The following PDE4B variants were observed in gnomAD, a reference collection of about 807,000 sequenced individuals.
PDE4B encodes phosphodiesterase 4B, also known as 3',5'-cyclic-AMP phosphodiesterase 4B.
Under a neutral mutation model 82.2 loss-of-function variants are expected in PDE4B, and 20 were observed. The ratio of observed to expected loss-of-function variants is 0.24; its 90% CI spans 0.17 to 0.35. The LOEUF is 0.35. Among genes scored for constraint, PDE4B ranks in the 10% least tolerant of loss-of-function variants. The pLI is 1.00. For missense variants in PDE4B, 655 were observed against 907.2 expected (o/e 0.72, Z 3.57); for synonymous variants, 320 against 318.9 (o/e 1.00, Z -0.04).
intron 3 of PDE4B, among the ~76,000 whole-genome samples, chr1:66,075,359 A>T (rs1297338589): frequency 4.6e-5 from 7 of 151,900 alleles, no homozygotes; most frequent in Non-Finnish European, 4.4e-5. Flanking sequence ...TATGCCAGAG[A>T]GTATCATTAT....
At chr1:66,272,048 G>T (rs547133823) in intron 7 of PDE4B, among the ~76,000 whole-genome samples, 10 of 152,226 alleles carry the variant, frequency 6.6e-5, no homozygotes, top group Non-Finnish European at 1.5e-4. Flanking sequence ...TGGGAAGAAA[G>T]CTTCACTTCT....
intron 6 of PDE4B, among the ~76,000 whole-genome samples, chr1:66,258,812 A>G (rs1247864328): frequency 2.0e-5 from 3 of 152,190 alleles, no homozygotes; most frequent in Non-Finnish European, 2.9e-5. Flanking sequence ...TTCATAGAAT[A>G]GTTTCATTAA....
chr1:66,347,888 C>T (rs962966592), intron 8 of PDE4B, among the ~76,000 whole-genome samples: 2 of 152,126 alleles, frequency 1.3e-5, no homozygotes, highest in Non-Finnish European at 2.9e-5. Context: ...ATGGAATTAA[C>T]TTCTTAAAGA....
chr1:66,365,647 T>C lies in PDE4B; in HGVS notation c.1285-20T>C. 1 of 1,468,270 alleles carries C rather than the reference T, an allele frequency of 6.8e-7. No individual in the cohort carries two copies. Among genetic ancestry groups the C allele is most frequent in the Non-Finnish European group, 9.5e-7 (1 of 1,049,672 alleles). 91.0% of individuals were successfully genotyped at this position (1,468,270 alleles called of 1,614,324 possible). On this transcript the variant is annotated intron_variant, in intron 12 of 16. Coordinates refer to ENST00000341517, the MANE Select transcript of PDE4B (RefSeq NM_002600.4). ...TAGGCGAATTGGATGTGTAGTTAAA[T>C]GTGTTTATTTGCCCGACAGGCTGTC...
chr1:65,882,679 TATGTGTG>T (rs1646722171), intron 1 of PDE4B, among the ~76,000 whole-genome samples: 1 of 32,346 alleles, frequency 3.1e-5, no homozygotes, highest in South Asian at 1.4e-3. Context: ...ATTTGAAAAA[TATGTGTG>T]TGTGTGTGTG....
intron 3 of PDE4B, among the ~76,000 whole-genome samples, chr1:66,189,206 G>T (rs896126663): frequency 8.5e-5 from 13 of 152,082 alleles, no homozygotes; most frequent in African/African-American, 2.9e-4. Context: ...GAGATCAGCT[G>T]TTAGTCTGAT....
intron 7 of PDE4B, among the ~76,000 whole-genome samples, chr1:66,304,801 T>C (rs1197130269): frequency 6.6e-6 from 1 of 152,156 alleles, no homozygotes; most frequent in African/African-American, 2.4e-5. Context: ...CTTTTAAAAC[T>C]ACTGCTATAG....
chr1:66,141,637 C>T (rs1646174579), intron 3 of PDE4B, among the ~76,000 whole-genome samples: 1 of 151,896 alleles, frequency 6.6e-6, no homozygotes, highest in African/African-American at 2.4e-5. Context: ...TGGGCTCTTG[C>T]CTCTGGGAAG....
intron 1 of PDE4B, among the ~76,000 whole-genome samples, chr1:65,848,886 A>G (rs572464605): frequency 2.3e-4 from 35 of 152,146 alleles, no homozygotes; most frequent in Non-Finnish European, 4.3e-4. Context: ...GGAAGTTTCT[A>G]TTTCTCTTGG....
rs184198485 is a variant in PDE4B at position 66,137,910 on chromosome 1, A to T, written c.282-109550A>T. 5.1e-4 allele frequency among the ~76,000 whole-genome samples: 78 copies of T among 152,292 alleles called. 1 individual carries two copies. Among genetic ancestry groups the T allele is most frequent in the Admixed American group, 9.8e-4 (15 of 15,300 alleles). On this transcript the variant is annotated intron_variant, in intron 3 of 16. Transcript: ENST00000341517. ...TGTAGCTGATTTATAGTGAGCACTT[A>T]TTATGTATCAGGAACTATTCTAAGT... is the stretch of plus-strand genomic sequence containing the variant.
intron 3 of PDE4B, among the ~76,000 whole-genome samples, chr1:65,930,011 C>T (rs1372550153): frequency 6.6e-6 from 1 of 152,130 alleles, no homozygotes; most frequent in Non-Finnish European, 1.5e-5. Context: ...TCTAGAGGGA[C>T]AGAACTACTA....
At chr1:66,116,757 G>A (rs1005312065) in intron 3 of PDE4B, among the ~76,000 whole-genome samples, 1 of 152,128 alleles carries the variant, frequency 6.6e-6, no homozygotes, top group Non-Finnish European at 1.5e-5. Context: ...TAGAGATGGG[G>A]TTTTGCCATG....
chr1:66,134,017 A>C (rs1199664979), intron 3 of PDE4B, among the ~76,000 whole-genome samples: 2 of 145,080 alleles, frequency 1.4e-5, no homozygotes, highest in African/African-American at 5.2e-5. Flanking sequence ...ATAGGTTGCT[A>C]TCTCAAAACT....
At chr1:66,281,506 A>G (rs1333795387) in intron 7 of PDE4B, among the ~76,000 whole-genome samples, 1 of 152,198 alleles carries the variant, frequency 6.6e-6, no homozygotes, top group Non-Finnish European at 1.5e-5. Flanking sequence ...GCCTAGACAT[A>G]TGTAGGAAGT....
Position 66,060,827 on chromosome 1 carries a change from G to A in PDE4B, c.281+141992G>A, listed in dbSNP as rs147867257. Among the ~76,000 whole-genome samples the A allele has an allele frequency of 1.2e-4, 19 of 152,132 alleles. 1 individual carries two copies. Among genetic ancestry groups the A allele is most frequent in the African/African-American group, 4.3e-4 (18 of 41,528 alleles). On this transcript the variant is annotated intron_variant, in intron 3 of 16. Transcript: ENST00000341517. ...GTTTGGATTCTTAAATATGAAGTGT[G>A]AGGTCAGTGTCTCCTGCCTTGTGAA...
chr1:66,216,851 T>C (rs982094323), intron 3 of PDE4B, among the ~76,000 whole-genome samples: 2 of 152,138 alleles, frequency 1.3e-5, no homozygotes, highest in African/African-American at 4.8e-5. Context: ...CCAAATTCTT[T>C]TCTGGACTTG....
chr1:66,318,887 A>G (rs987475939), intron 7 of PDE4B, among the ~76,000 whole-genome samples: 2 of 152,222 alleles, frequency 1.3e-5, no homozygotes, highest in Non-Finnish European at 2.9e-5. Context: ...GCCACATGTG[A>G]CTAGTAGCTA....
At chr1:66,369,491 G>T (rs1663514856) in intron 16 of PDE4B, among the ~76,000 whole-genome samples, 1 of 152,236 alleles carries the variant, frequency 6.6e-6, no homozygotes, top group Non-Finnish European at 1.5e-5. Flanking sequence ...TTTTCTGGTT[G>T]TGTCCAAAGC....
intron 3 of PDE4B, among the ~76,000 whole-genome samples, chr1:66,037,164 T>A (rs1173655844): frequency 6.6e-6 from 1 of 152,012 alleles, no homozygotes; most frequent in Non-Finnish European, 1.5e-5. Flanking sequence ...TTTTTTCTAT[T>A]TCTGTAAAGA....
Sources: allele counts gnomAD v4.1 joint callset (sites outside exome capture counted in the v4.1 genomes callset), GRCh38; gene constraint gnomAD v4.1.1; transcripts MANE v1.5; gene names NCBI Gene and HGNC (gene_info 2026-07-23, HGNC 2026-07-21).